Variants in USP6NL observed in about 807,000 individuals in gnomAD.
USP6NL encodes the protein USP6 N-terminal like, also known as USP6 N-terminal-like protein.
In USP6NL, 26 loss-of-function variants were observed where a neutral mutation model predicts 61.9. The ratio of observed to expected loss-of-function variants is 0.42; its 90% confidence interval spans 0.31 to 0.58. The LOEUF (loss-of-function observed/expected upper bound fraction) is 0.58, where lower values mean the gene tolerates loss of function less well. USP6NL is among the 20% of genes least tolerant of loss of function. The pLI, the probability that USP6NL is intolerant of heterozygous loss-of-function variation, is 0.16. For missense variants in USP6NL, 1,114 were observed against 1,034.3 expected, an observed-to-expected ratio of 1.08 and a Z score of -1.06; for synonymous variants, 432 against 390.1, an observed-to-expected ratio of 1.11 and a Z score of -1.27.
In USP6NL at chr10:11,463,628, T is replaced by G. The variant is rs374877023; in HGVS notation, c.1300A>C (p.Lys434Gln). 100 of 1,613,856 alleles carry G rather than the reference T, an allele frequency of 6.2e-5. No individual in the cohort carries two copies. In the African/African-American group the frequency reaches 1.1e-3, roughly 18 times the overall value. Residue 434 changes from lysine (K) to glutamine (Q), a missense_variant, in exon 15 of 15, where the codon AAA becomes CAA. Physicochemically the swap from Lys to Gln is moderately conservative, Grantham distance 53. Transcript: ENST00000609104. This position sits in a 1 kb window ranked among gnomAD's most constrained non-coding sequence, Gnocchi z 6.3. Reference sequence around the variant, plus strand: ...TTTTTGCTCTCCTCCTCCACCGATTTCCGTCTTGGCGGCTGTGCTCTCTCG... The same window carrying G: ...TTTTTGCTCTCCTCCTCCACCGATTGCCGTCTTGGCGGCTGTGCTCTCTCG... The part of the protein sequence containing the change: ...TPERAQPPRR[K>Q]SVEEESKKLK...
intron 2 of USP6NL, among the ~76,000 whole-genome samples, chr10:11,568,077 A>G (rs1011188838): frequency 1.3e-5 from 2 of 152,122 alleles, no homozygotes; most frequent in African/African-American, 4.8e-5. Context: ...AAAGCTAGTC[A>G]CAGCTAAGCC....
At position 11,463,458 on chromosome 10, in the gene USP6NL, C is replaced by T. The variant is rs776694361; in HGVS notation, c.1470G>A (p.Pro490=). ...RKEFVPKWNK[P]SDVSATERTA... ...TTCTCTCTGTAGCTGAGACGTCTGACGGTTTATTCCATTTGGGCACAAACT... is the reference window on the plus strand; with the variant it reads ...TTCTCTCTGTAGCTGAGACGTCTGATGGTTTATTCCATTTGGGCACAAACT... The change falls in exon 15 of 15, where the codon CCG becomes CCA. Residue 490 remains proline (P), a synonymous_variant. Transcript: ENST00000609104. The surrounding 1 kb of genome is among the most constrained non-coding windows in gnomAD (Gnocchi z 6.3). The T allele has an allele frequency of 4.5e-5, 73 of 1,613,950 alleles. No homozygotes were observed. Among genetic ancestry groups the T allele is most frequent in the Non-Finnish European group, 5.8e-5 (69 of 1,179,918 alleles).
rs1235609940 is a variant in USP6NL at position 11,605,524 on chromosome 10, A to G, written c.-84+5919T>C. On this transcript the variant is annotated intron_variant, in intron 1 of 14. Transcript: ENST00000609104. The stretch of plus-strand genomic sequence containing the variant: ...ATAAGCAGGTATACAAGGAGATGAA[A>G]CTCCTTGAGAAATAAAAGAGACCAT... Among the ~76,000 whole-genome samples the G allele has an allele frequency of 2.6e-5, 4 of 151,962 alleles. No individual in the cohort carries two copies. The East Asian group carries it at 5.8e-4, about 22-fold the overall frequency.
In USP6NL at chr10:11,574,110, T is replaced by G. The variant is rs534988401; in HGVS notation, c.4+23521A>C. Among the ~76,000 whole-genome samples, 7 of 152,350 alleles carry G rather than the reference T, an allele frequency of 4.6e-5. No homozygotes were observed. The East Asian group carries it at 1.3e-3, about 29-fold the overall frequency. On this transcript the variant is annotated intron_variant, in intron 2 of 14. Transcript: ENST00000609104. The surrounding 1 kb of genome is among the most constrained non-coding windows in gnomAD (Gnocchi z 4.3). Reference sequence around the variant, plus strand: ...TGCATCACAGATGCTATGTGCAAGTTTTTAAGTAGTCAACCAAAATACCCT... The same window carrying G: ...TGCATCACAGATGCTATGTGCAAGTGTTTAAGTAGTCAACCAAAATACCCT...
chr10:11,607,042 G>A (rs999152263), intron 1 of USP6NL, among the ~76,000 whole-genome samples: 7 of 152,104 alleles, frequency 4.6e-5, no homozygotes, highest in South Asian at 4.1e-4. Flanking sequence ...CACCCACCTG[G>A]CCCTCCAAAG....
intron 2 of USP6NL, among the ~76,000 whole-genome samples, chr10:11,542,156 T>G (rs1467637378): frequency 6.6e-6 from 1 of 152,204 alleles, no homozygotes; most frequent in Non-Finnish European, 1.5e-5. Flanking sequence ...TGAGATGAAT[T>G]AAACTTTCTA....
At chr10:11,542,017 T>C (rs1259393752) in intron 2 of USP6NL, among the ~76,000 whole-genome samples, 1 of 152,190 alleles carries the variant, frequency 6.6e-6, no homozygotes, top group Non-Finnish European at 1.5e-5. Context: ...TAAAGCAAAT[T>C]ATATAATCAA....
chr10:11,539,771 G>C (rs1229149953), intron 2 of USP6NL, among the ~76,000 whole-genome samples: 2 of 152,220 alleles, frequency 1.3e-5, no homozygotes, highest in Non-Finnish European at 2.9e-5. Context: ...CTCCTTGCTT[G>C]TGGATATTTT....
rs1833926475 is a variant in USP6NL, at chr10:11,496,435, T to C, written c.385-3207A>G. 6.6e-6 allele frequency among the ~76,000 whole-genome samples: 1 copy of C among 152,364 alleles called. No individual in the cohort carries two copies. The highest frequency in any genetic ancestry group is 1.5e-5 in the Non-Finnish European group (1 of 68,038). ...GTTTACTAAATGTCTGTCTGCATTC[T>C]CATTTTCCAAAACTGGTAGCTGTTA... is the stretch of plus-strand genomic sequence containing the variant. On this transcript the variant is annotated intron_variant, in intron 7 of 14. Coordinates refer to ENST00000609104, the MANE Select transcript of USP6NL (RefSeq NM_014688.5). This position sits in a 1 kb window ranked among gnomAD's most constrained non-coding sequence, Gnocchi z 5.4.
intron 14 of USP6NL, among the ~76,000 whole-genome samples, chr10:11,473,467 G>A (rs78030732): frequency 0.011 from 1,644 of 152,272 alleles, 11 homozygotes; most frequent in Middle Eastern, 0.038. Flanking sequence ...GGCTTCAGGC[G>A]ATGCTTAAAC....
rs1324347457 is a variant in USP6NL, at chr10:11,596,154, A to C, written c.4+1477T>G. Among the ~76,000 whole-genome samples the C allele has an allele frequency of 6.6e-6, 1 of 152,208 alleles. No homozygotes were observed. The highest frequency in any genetic ancestry group is 2.4e-5 in the African/African-American group (1 of 41,456). On this transcript the variant is annotated intron_variant, in intron 2 of 14. Transcript: ENST00000609104. This position sits in a 1 kb window ranked among gnomAD's most constrained non-coding sequence, Gnocchi z 4.1. ...AACACTGATCCTAACAGAACCCAAA[A>C]ATTGCAAAGTAGAAGAAAATTTATT...
intron 14 of USP6NL, among the ~76,000 whole-genome samples, chr10:11,477,698 T>C (rs1298399330): frequency 2.6e-5 from 4 of 152,194 alleles, no homozygotes; most frequent in Non-Finnish European, 4.4e-5. Flanking sequence ...AGTAAAATGT[T>C]AGACAGTATA....
Position 11,462,486 on chromosome 10 carries a change from G to A in USP6NL, c.2442C>T (p.Tyr814=), listed in dbSNP as rs878907571. The A allele has an allele frequency of 6.2e-7, 1 of 1,614,024 alleles. No homozygotes were observed. The highest frequency in any genetic ancestry group is 2.2e-5 in the East Asian group (1 of 44,888). The change falls in exon 15 of 15, where the codon TAC becomes TAT. Residue 814 remains tyrosine, a synonymous_variant. Transcript: ENST00000609104. The part of the protein sequence containing the change: ...YSGPPPPAYH[Y]RNRDGLSIQE... ...GGATGGAAAGCCCGTCCCGATTCCTGTAGTGGTAGGCTGGAGGCGGGGGCC... is the reference window on the plus strand; with the variant it reads ...GGATGGAAAGCCCGTCCCGATTCCTATAGTGGTAGGCTGGAGGCGGGGGCC...
chr10:11,478,455 A>G lies in USP6NL; in HGVS notation c.1078+3315T>C, dbSNP rs1833059033. Among the ~76,000 whole-genome samples, 2 of 151,738 alleles carry G rather than the reference A, an allele frequency of 1.3e-5. No individual in the cohort carries two copies. Among genetic ancestry groups the G allele is most frequent in the African/African-American group, 4.8e-5 (2 of 41,446 alleles). On this transcript the variant is annotated intron_variant, in intron 14 of 14. Coordinates refer to ENST00000609104, the MANE Select transcript of USP6NL (RefSeq NM_014688.5). The surrounding 1 kb of genome is among the most constrained non-coding windows in gnomAD (Gnocchi z 6.8). ...AAAAGCTTTTACTTAGAAAAACTCA[A>G]TTTTTAAAATATCAATTTTCTCTCA...
chr10:11,601,494 T>C (rs1838530181), intron 1 of USP6NL, among the ~76,000 whole-genome samples: 3 of 152,340 alleles, frequency 2.0e-5, no homozygotes, highest in South Asian at 4.1e-4. Context: ...ATGGACATCA[T>C]TATGTCAGTC....
chr10:11,493,824 T>C (rs1344105310), intron 7 of USP6NL, among the ~76,000 whole-genome samples: 1 of 150,806 alleles, frequency 6.6e-6, no homozygotes, highest in Admixed American at 6.6e-5. Context: ...CTCCTGCCTG[T>C]ACGGCCTGAT....
chr10:11,543,803 GTTTTT>G (rs781443038), intron 2 of USP6NL, among the ~76,000 whole-genome samples: 4 of 76,360 alleles, frequency 5.2e-5, no homozygotes, highest in African/African-American at 1.8e-4. Context: ...AAATATTTAG[GTTTTT>G]TTTTTTTTTT....
Position 11,520,091 on chromosome 10 carries a change from T to C in USP6NL, c.156-1517A>G, listed in dbSNP as rs984377454. Among the ~76,000 whole-genome samples, 1 of 152,170 alleles carries C rather than the reference T, an allele frequency of 6.6e-6. No individual in the cohort carries two copies. The highest frequency in any genetic ancestry group is 2.4e-5 in the African/African-American group (1 of 41,442). On this transcript the variant is annotated intron_variant, in intron 4 of 14. Coordinates refer to ENST00000609104, the MANE Select transcript of USP6NL (RefSeq NM_014688.5). This position sits in a 1 kb window ranked among gnomAD's most constrained non-coding sequence, Gnocchi z 5.2. ...GAGTCCAAATCTCTCATTTCACAGA[T>C]AATACAACTAACATTTTCACTTAGT...
intron 14 of USP6NL, among the ~76,000 whole-genome samples, chr10:11,471,182 T>C (rs1718124937): frequency 6.6e-6 from 1 of 151,382 alleles, no homozygotes; most frequent in African/African-American, 2.4e-5. Context: ...GACTCTTGTC[T>C]CAAAAACAAA....
Sources: gnomAD v4.1 joint callset for allele counts (sites outside exome capture counted in the v4.1 genomes callset) on GRCh38, gnomAD v4.1.1 for gene constraint, Gnocchi (gnomAD v3.1) non-coding constraint, MANE v1.5 for transcripts, NCBI Gene and HGNC (gene_info 2026-07-23, HGNC 2026-07-21) for gene names.